PIK3R3: variants seen among roughly 807,000 people sequenced by gnomAD.
The protein encoded by PIK3R3 is phosphatidylinositol 3-kinase regulatory subunit gamma.
Under a neutral mutation model 62.9 loss-of-function variants are expected in PIK3R3, and 64 were observed. That is an observed-to-expected ratio of 1.02 (90% CI 0.83 to 1.25). The LOEUF (loss-of-function observed/expected upper bound fraction) is 1.25, where lower values mean the gene tolerates loss of function less well. PIK3R3 is among the 50% of genes most tolerant of loss of function. PIK3R3 has a pLI of 0.00. For synonymous variants in PIK3R3, 165 were observed against 189.0 expected (o/e 0.87, Z 1.04); for missense variants, 614 against 561.6 (o/e 1.09, Z -0.94).
intron 3 of PIK3R3, among the ~76,000 whole-genome samples, chr1:46,076,658 G>C (rs1316934537): frequency 6.6e-6 from 1 of 152,134 alleles, no homozygotes; most frequent in Non-Finnish European, 1.5e-5. Flanking sequence ...AAGATATTAG[G>C]CTGGAAAGGC....
intron 3 of PIK3R3, among the ~76,000 whole-genome samples, chr1:46,071,730 TAGAGAG>T (rs140765040): frequency 0.017 from 1,018 of 58,872 alleles, 78 homozygotes; most frequent in African/African-American, 0.07. Flanking sequence ...TATATATATA[TAGAGAG>T]AGAGAGAGAG....
At chr1:46,059,447 G>A (rs1648257811) in intron 6 of PIK3R3, among the ~76,000 whole-genome samples, 1 of 152,104 alleles carries the variant, frequency 6.6e-6, no homozygotes, top group Non-Finnish European at 1.5e-5. Context: ...AACACACAAC[G>A]TTTTGCTATA....
the PIK3R3 span, among the ~76,000 whole-genome samples, chr1:46,172,447 G>T: frequency 6.6e-6 from 1 of 152,110 alleles, no homozygotes. Flanking sequence ...GCATGATCTT[G>T]GCTGCAACCT....
chr1:46,071,716 T>TAA (rs1649524006), intron 3 of PIK3R3, among the ~76,000 whole-genome samples: 2 of 28,800 alleles, frequency 6.9e-5, no homozygotes, highest in South Asian at 8.2e-4. Context: ...AAAAAAAATA[T>TAA]ATATATATAT....
intron 6 of PIK3R3, among the ~76,000 whole-genome samples, chr1:46,060,274 G>A (rs147664077): frequency 0.034 from 5,135 of 152,254 alleles, 292 homozygotes; most frequent in African/African-American, 0.12. Flanking sequence ...GATCACCTGA[G>A]GTCAGCAGTT....
intron 1 of PIK3R3, among the ~76,000 whole-genome samples, chr1:46,096,139 G>A (rs1571481147): frequency 6.6e-6 from 1 of 152,290 alleles, no homozygotes; most frequent in East Asian, 1.9e-4. Context: ...GAATGAGTGG[G>A]CACGCATATA....
At chr1:46,070,822 G>A (rs1649414594) in intron 3 of PIK3R3, among the ~76,000 whole-genome samples, 1 of 152,196 alleles carries the variant, frequency 6.6e-6, no homozygotes, top group African/African-American at 2.4e-5. Context: ...ATGAGAGAAG[G>A]AAAGGAACTG....
chr1:46,138,640 A>G, the PIK3R3 span, among the ~76,000 whole-genome samples: 1 of 152,254 alleles, frequency 6.6e-6, no homozygotes, highest in Non-Finnish European at 1.5e-5. Flanking sequence ...GCCTGGGCAC[A>G]GAGTGAGACC....
chr1:46,122,734 A>T (rs1654787232), intron 1 of PIK3R3, among the ~76,000 whole-genome samples: 1 of 152,182 alleles, frequency 6.6e-6, no homozygotes, highest in Non-Finnish European at 1.5e-5. Flanking sequence ...TCTTGCTAAT[A>T]ACATTAAGTA....
At chr1:46,152,271 C>T in the PIK3R3 span, among the ~76,000 whole-genome samples, 3 of 152,166 alleles carry the variant, frequency 2.0e-5, no homozygotes, top group Non-Finnish European at 4.4e-5. Flanking sequence ...TCTGCCATCA[C>T]TTCTCCATAT....
chr1:46,125,003 G>C (rs1317248359), intron 1 of PIK3R3, among the ~76,000 whole-genome samples: 2 of 152,120 alleles, frequency 1.3e-5, no homozygotes. Flanking sequence ...GGAGGCTGAG[G>C]CAGGAGAATT....
In PIK3R3 at chr1:46,115,705, T is replaced by C. The variant is rs1243403684; in HGVS notation, c.106+16142A>G. Among the ~76,000 whole-genome samples, 5 of 152,210 alleles carry C rather than the reference T, an allele frequency of 3.3e-5. No individual in the cohort carries two copies. In the South Asian group the frequency reaches 1.0e-3, roughly 31 times the overall value. On this transcript the variant is annotated intron_variant, in intron 1 of 9. Coordinates refer to ENST00000262741, the MANE Select transcript of PIK3R3 (RefSeq NM_003629.4). ...CCTGCAACAGGTCTGAACCACCTCG[T>C]TGTCCTTCTAAAACTAAACAGACTT...
At chr1:46,149,768 G>A in the PIK3R3 span, among the ~76,000 whole-genome samples, 6 of 152,046 alleles carry the variant, frequency 3.9e-5, no homozygotes, top group South Asian at 1.2e-3. Flanking sequence ...TGACGTCAAG[G>A]GATCCACCTG....
At chr1:46,126,688 C>T (rs541749158) in intron 1 of PIK3R3, among the ~76,000 whole-genome samples, 8 of 151,430 alleles carry the variant, frequency 5.3e-5, no homozygotes, top group South Asian at 2.1e-4. Flanking sequence ...GGCATGGTGG[C>T]GCAGAGGGAT....
chr1:46,131,958 T>G lies in PIK3R3; in HGVS notation c.-6A>C. The G allele has an allele frequency of 1.9e-6, 3 of 1,613,718 alleles. No homozygotes were observed. The highest frequency in any genetic ancestry group is 2.5e-6 in the Non-Finnish European group (3 of 1,179,896). The stretch of plus-strand genomic sequence containing the variant: ...CTCCACACCGTATTGTACATCGCGC[T>G]GTCAGGGGCAGGTCGCCAGGAGATA... On this transcript the variant is annotated 5_prime_UTR_variant, in exon 1 of 10. Transcript: ENST00000262741.
intron 7 of PIK3R3, among the ~76,000 whole-genome samples, chr1:46,053,912 C>T (rs1647617483): frequency 6.6e-6 from 1 of 152,122 alleles, no homozygotes; most frequent in Non-Finnish European, 1.5e-5. Flanking sequence ...ACCACGTGAG[C>T]ATTCCAAGAG....
intron 3 of PIK3R3, among the ~76,000 whole-genome samples, chr1:46,077,074 G>GA (rs1650133117): frequency 6.7e-6 from 1 of 149,342 alleles, no homozygotes; most frequent in African/African-American, 2.6e-5. Flanking sequence ...ATGCCCATAT[G>GA]AAAAGCATGA....
chr1:46,071,730 TAGAGAGAGAGAGAGAG>T (rs140765040), intron 3 of PIK3R3, among the ~76,000 whole-genome samples: 1 of 59,046 alleles, frequency 1.7e-5, no homozygotes, highest in Admixed American at 2.2e-4. Context: ...TATATATATA[TAGAGAGAGAGAGAGAG>T]AGAGAGAGAG....
intron 1 of PIK3R3, chr1:46,104,950 A>ACAC: frequency 1.9e-6 from 1 of 524,910 alleles, no homozygotes. Flanking sequence ...AAAAAAAAAA[A>ACAC]CACACACTAA....
Sources: allele counts gnomAD v4.1 joint callset (sites outside exome capture counted in the v4.1 genomes callset), GRCh38; gene constraint gnomAD v4.1.1; transcripts MANE v1.5; gene names NCBI Gene and HGNC (gene_info 2026-07-23, HGNC 2026-07-21).